The following NOS1 variants were observed in gnomAD, a reference collection of about 807,000 sequenced individuals.
NOS1 encodes NOS type I.
NOS1 carries 51 observed loss-of-function variants against 164.5 expected under a neutral mutation model. That is an observed-to-expected ratio of 0.31 (90% CI 0.25 to 0.39). The LOEUF (loss-of-function observed/expected upper bound fraction) is 0.39. Ranked by LOEUF, NOS1 falls within the 10% of genes least tolerant of loss-of-function variation. The probability of loss-of-function intolerance (pLI) is 1.00; values close to 1 mark genes in which losing one functional copy is unlikely to be tolerated. For missense variants in NOS1, 1,362 were observed against 1,885.6 expected, an observed-to-expected ratio of 0.72 and a Z score of 5.14; for synonymous variants, 719 against 745.8, an observed-to-expected ratio of 0.96 and a Z score of 0.59.
chr12:117,317,096 G>T (rs1287728130), intron 2 of NOS1, among the ~76,000 whole-genome samples: 1 of 152,066 alleles, frequency 6.6e-6, no homozygotes, highest in African/African-American at 2.4e-5. Flanking sequence ...GGCCAGGCTG[G>T]TCTCCAACTC....
chr12:117,241,841 T>C (rs982316796), intron 20 of NOS1, among the ~76,000 whole-genome samples: 1 of 152,202 alleles, frequency 6.6e-6, no homozygotes, highest in Non-Finnish European at 1.5e-5. Flanking sequence ...CTCAGCATAT[T>C]TGGCAGTGAT....
chr12:117,236,559 G>A (rs1192280948), intron 20 of NOS1, among the ~76,000 whole-genome samples: 2 of 152,170 alleles, frequency 1.3e-5, no homozygotes, highest in Non-Finnish European at 2.9e-5. Context: ...GAACTTGCAC[G>A]ACTGAGCCTT....
At chr12:117,247,788 TA>T (rs1870744114) in intron 17 of NOS1, among the ~76,000 whole-genome samples, 1 of 151,506 alleles carries the variant, frequency 6.6e-6, no homozygotes, top group South Asian at 2.1e-4. Context: ...CTACTAAAAG[TA>T]CAAAAAATTA....
At chr12:117,216,686 C>T (rs938951027) in intron 28 of NOS1, among the ~76,000 whole-genome samples, 1 of 151,916 alleles carries the variant, frequency 6.6e-6, no homozygotes, top group Non-Finnish European at 1.5e-5. Flanking sequence ...CTTGCGTTGC[C>T]CAGGCTGATC....
At chr12:117,331,779 C>T (rs893451406) in intron 1 of NOS1, among the ~76,000 whole-genome samples, 2 of 152,150 alleles carry the variant, frequency 1.3e-5, no homozygotes, top group Admixed American at 1.3e-4. Context: ...AATCAAGTGA[C>T]GAGAATCAAA....
chr12:117,277,583 G>C (rs1873290001), intron 9 of NOS1, among the ~76,000 whole-genome samples: 1 of 151,890 alleles, frequency 6.6e-6, no homozygotes, highest in Admixed American at 6.6e-5. Flanking sequence ...AACAGCAGCA[G>C]ACCCTGTCTC....
At chr12:117,265,984 A>G (rs1312876787) in intron 11 of NOS1, among the ~76,000 whole-genome samples, 7 of 149,874 alleles carry the variant, frequency 4.7e-5, no homozygotes, top group Non-Finnish European at 1.0e-4. Context: ...ATTTTTTAGT[A>G]GAGACGGGGT....
chr12:117,210,086 C>T lies in NOS1; in HGVS notation c.*5223G>A. The T allele has an allele frequency of 1.4e-6, 1 of 690,990 alleles. No individual in the cohort carries two copies. Among genetic ancestry groups the T allele is most frequent in the Non-Finnish European group, 1.8e-6 (1 of 561,090 alleles). The allele number at this position is 690,990 out of a possible 1,614,324, so 42.8% of individuals were successfully genotyped here. On this transcript the variant is annotated 3_prime_UTR_variant, in exon 29 of 29. Coordinates refer to ENST00000317775, the MANE Select transcript of NOS1 (RefSeq NM_000620.5). ...CTCCTGGGACCAAGTGATCCTCCTG[C>T]CTCAGCCTCCCAAGTAGCTGGGACC...
At chr12:117,262,858 T>G (rs1872051070) in intron 13 of NOS1, among the ~76,000 whole-genome samples, 2 of 152,082 alleles carry the variant, frequency 1.3e-5, no homozygotes, top group African/African-American at 4.8e-5. Flanking sequence ...GGTCAGGCAT[T>G]CTTCAGGAAA....
intron 5 of NOS1, 35 bp from the exon 6 acceptor site, chr12:117,286,301 C>G (rs1264876974): frequency 6.2e-7 from 1 of 1,609,370 alleles, no homozygotes; most frequent in Non-Finnish European, 8.5e-7. Flanking sequence ...GAACATCACC[C>G]CCTCTTCTGA....
chr12:117,226,534 A>G (rs1868688056), intron 24 of NOS1, 149 bp downstream of exon 24: 2 of 660,342 alleles, frequency 3.0e-6, no homozygotes, highest in South Asian at 1.9e-5. Flanking sequence ...TGTTTCCTTA[A>G]CAACTAAGAG....
intron 20 of NOS1, among the ~76,000 whole-genome samples, chr12:117,241,912 G>A (rs574416639): frequency 4.9e-4 from 74 of 152,342 alleles, no homozygotes; most frequent in African/African-American, 1.7e-3. Context: ...GACAGAGTGT[G>A]TCCTTTTACT....
chr12:117,229,114 T>C (rs917778006), intron 22 of NOS1, among the ~76,000 whole-genome samples: 6 of 152,174 alleles, frequency 3.9e-5, no homozygotes, highest in African/African-American at 2.4e-5. Flanking sequence ...ATGGCATCCT[T>C]GACATTGTGC....
chr12:117,253,538 C>A, intron 17 of NOS1, 100 bp downstream of exon 17: 1 of 783,602 alleles, frequency 1.3e-6, no homozygotes, highest in Non-Finnish European at 2.2e-6. Flanking sequence ...AATGAATGGA[C>A]ACTACCTCTC....
intron 7 of NOS1, among the ~76,000 whole-genome samples, chr12:117,282,802 G>A (rs1211490712): frequency 2.0e-5 from 3 of 152,058 alleles, no homozygotes; most frequent in Non-Finnish European, 4.4e-5. Flanking sequence ...TCCGATAAAG[G>A]GTGTTTGTGT....
In NOS1 at chr12:117,280,875, G is replaced by C; in HGVS notation, c.1383-9C>G. Reference sequence around the variant, plus strand: ...ATATGGTGATGGCAGACCTGTGGTGGAGAGAGGGGAACACCCGGCATCAGG... The same window carrying C: ...ATATGGTGATGGCAGACCTGTGGTGCAGAGAGGGGAACACCCGGCATCAGG... On this transcript the variant is annotated splice_polypyrimidine_tract_variant and intron_variant, in intron 7 of 28. Transcript: ENST00000317775. 1 of 1,613,446 alleles carries C rather than the reference G, an allele frequency of 6.2e-7. No individual in the cohort carries two copies. The highest frequency in any genetic ancestry group is 2.2e-5 in the East Asian group (1 of 44,844).
At chr12:117,325,317 A>T (rs1398984805) in intron 2 of NOS1, among the ~76,000 whole-genome samples, 1 of 152,214 alleles carries the variant, frequency 6.6e-6, no homozygotes, top group Non-Finnish European at 1.5e-5. Flanking sequence ...CCCGAAGAAC[A>T]TTCTAGCTCT....
At chr12:117,300,757 G>A (rs1433880773) in intron 3 of NOS1, among the ~76,000 whole-genome samples, 1 of 152,104 alleles carries the variant, frequency 6.6e-6, no homozygotes, top group African/African-American at 2.4e-5. Context: ...TTGAAGTAGG[G>A]GCAAAAATGA....
At chr12:117,226,630 C>T (rs374309132) in intron 24 of NOS1, 53 bp downstream of exon 24, 22 of 1,538,116 alleles carry the variant, frequency 1.4e-5, no homozygotes, top group Middle Eastern at 3.4e-4. Flanking sequence ...CAACTTGTGA[C>T]GTCAATATGC....
Sources: allele counts gnomAD v4.1 joint callset (sites outside exome capture counted in the v4.1 genomes callset), GRCh38; gene constraint gnomAD v4.1.1; transcripts MANE v1.5; gene names NCBI Gene and HGNC (gene_info 2026-07-23, HGNC 2026-07-21).